The following KIZ variants were observed in gnomAD, a reference collection of about 807,000 sequenced individuals.
The protein encoded by KIZ is centrosomal protein kizuna.
Under a neutral mutation model 79.6 loss-of-function variants are expected in KIZ, and 68 were observed. The observed-to-expected ratio is 0.85, with a 90% CI of 0.70 to 1.05. The LOEUF (loss-of-function observed/expected upper bound fraction) is 1.05, where lower values mean the gene tolerates loss of function less well. Ranked by LOEUF, KIZ falls within the 50% of genes least tolerant of loss-of-function variation. The pLI, the probability that KIZ is intolerant of heterozygous loss-of-function variation, is 0.00. For synonymous variants in KIZ, 280 were observed against 281.8 expected (o/e 0.99, Z 0.06); for missense variants, 797 against 800.4 (o/e 1.00, Z 0.05).
intron 6 of KIZ, among the ~76,000 whole-genome samples, chr20:21,165,081 C>T (rs2033867419): frequency 6.6e-6 from 1 of 152,152 alleles, no homozygotes; most frequent in Non-Finnish European, 1.5e-5. Context: ...CATAGCATAG[C>T]ATCATATTTA....
intron 6 of KIZ, among the ~76,000 whole-genome samples, chr20:21,200,369 A>G (rs989781069): frequency 1.3e-5 from 2 of 152,092 alleles, no homozygotes; most frequent in Non-Finnish European, 2.9e-5. Context: ...TGGTTTCAGG[A>G]TGATTCAAGT....
At chr20:21,245,444 CGTTT>C (rs1342526817) in intron 12 of KIZ, 1 of 152,200 alleles carries the variant, frequency 6.6e-6, no homozygotes, top group Non-Finnish European at 1.5e-5. Context: ...CTTCAGCGTC[CGTTT>C]GTTTGCACAG....
intron 6 of KIZ, among the ~76,000 whole-genome samples, chr20:21,170,255 A>G (rs6047285): frequency 0.58 from 87,855 of 151,940 alleles, 27,056 homozygotes; most frequent in South Asian, 0.78. Context: ...GGTAAATGGG[A>G]TATCCATCTC....
At chr20:21,189,142 T>C (rs887189562) in intron 6 of KIZ, among the ~76,000 whole-genome samples, 7 of 152,164 alleles carry the variant, frequency 4.6e-5, no homozygotes, top group Admixed American at 1.3e-4. Context: ...CCATCCTGCA[T>C]GCTGTTTATG....
chr20:21,188,786 G>A (rs1277176867), intron 6 of KIZ, among the ~76,000 whole-genome samples: 2 of 151,882 alleles, frequency 1.3e-5, no homozygotes, highest in Non-Finnish European at 2.9e-5. Flanking sequence ...TGCAAGCTCT[G>A]CCTCCTGGGT....
At chr20:21,178,404 A>G (rs1600465335) in intron 6 of KIZ, among the ~76,000 whole-genome samples, 1 of 151,710 alleles carries the variant, frequency 6.6e-6, no homozygotes, top group Non-Finnish European at 1.5e-5. Flanking sequence ...TAGAAACACA[A>G]CTGATTTTTG....
At chr20:21,131,997 A>T (rs931826448) in intron 1 of KIZ, 100 bp from the exon 2 acceptor site, 2 of 642,838 alleles carry the variant, frequency 3.1e-6, no homozygotes, top group Non-Finnish European at 5.5e-6. Context: ...CCTCTAATCA[A>T]CACCTTGCAA....
intron 4 of KIZ, among the ~76,000 whole-genome samples, chr20:21,153,706 G>A (rs1600396346): frequency 6.6e-6 from 1 of 152,138 alleles, no homozygotes; most frequent in Non-Finnish European, 1.5e-5. Flanking sequence ...GGTGCCAACA[G>A]GGTCGCTTTC....
At chr20:21,134,158 G>A (rs571834812) in intron 2 of KIZ, among the ~76,000 whole-genome samples, 14 of 152,254 alleles carry the variant, frequency 9.2e-5, no homozygotes, top group Middle Eastern at 3.4e-3. Flanking sequence ...GGCGTGAGGT[G>A]GGCACAAAGG....
chr20:21,184,582 C>T (rs1011882451), intron 6 of KIZ, among the ~76,000 whole-genome samples: 4 of 152,174 alleles, frequency 2.6e-5, no homozygotes, highest in African/African-American at 9.7e-5. Flanking sequence ...CTTCTAGTGA[C>T]AGACTTTTGG....
At chr20:21,169,072 A>C (rs1424988814) in intron 6 of KIZ, among the ~76,000 whole-genome samples, 3 of 152,222 alleles carry the variant, frequency 2.0e-5, no homozygotes, top group South Asian at 2.1e-4. Context: ...CAAAAGCCAA[A>C]ATTGACAAAT....
chr20:21,232,665 A>G, intron 10 of KIZ, 69 bp from the exon 11 acceptor site: 1 of 789,006 alleles, frequency 1.3e-6, no homozygotes, highest in Middle Eastern at 2.2e-4. Flanking sequence ...CTGTGAGGCC[A>G]CTTTATTCAT....
In KIZ at chr20:21,160,480, C is replaced by G. The variant is rs187750047; in HGVS notation, c.406-1391C>G. On this transcript the variant is annotated intron_variant, in intron 4 of 12. Transcript: ENST00000619189. ...ATGTAAGGACACGGGTCCCTTTTCT[C>G]TCTCTCTCTGCCTGCGCTCCCTGAT... 1.8e-4 allele frequency among the ~76,000 whole-genome samples: 28 copies of G among 152,264 alleles called. No homozygotes were observed. The East Asian group carries it at 4.8e-3, about 26-fold the overall frequency.
chr20:21,166,431 G>T, intron 6 of KIZ: 2 of 1,592,130 alleles, frequency 1.3e-6, no homozygotes, highest in Non-Finnish European at 8.6e-7. Flanking sequence ...CCAGCTCTGT[G>T]GTCATCAATG....
At chr20:21,154,073 G>T (rs1229497606) in intron 4 of KIZ, 1 of 152,054 alleles carries the variant, frequency 6.6e-6, no homozygotes, top group African/African-American at 2.4e-5. Flanking sequence ...TTCTCAATGT[G>T]ACTTAAGAAC....
chr20:21,229,116 G>GT lies in KIZ; in HGVS notation c.1783+2dup. 1 of 1,574,914 alleles carries GT rather than the reference G, an allele frequency of 6.3e-7. No homozygotes were observed. The highest frequency in any genetic ancestry group is 8.7e-7 in the Non-Finnish European group (1 of 1,145,974). On this transcript the variant is annotated splice_donor_variant, in intron 10 of 12. Transcript: ENST00000619189. LOFTEE classifies it high-confidence loss of function. ...GATGCTTCTGTGTCACACTTGTCAG[G>GT]TAAGTAAGAGCAGATGGCAGTGTCC...
intron 2 of KIZ, among the ~76,000 whole-genome samples, chr20:21,132,375 C>T (rs1309569032): frequency 2.0e-5 from 3 of 152,232 alleles, no homozygotes; most frequent in African/African-American, 4.8e-5. Context: ...CAGGTTCAAG[C>T]AATTCTCCTG....
intron 6 of KIZ, among the ~76,000 whole-genome samples, chr20:21,187,727 C>T (rs2034943358): frequency 6.6e-6 from 1 of 152,144 alleles, no homozygotes; most frequent in African/African-American, 2.4e-5. Flanking sequence ...AGCCGTTAAT[C>T]CTCACAAAGA....
intron 9 of KIZ, among the ~76,000 whole-genome samples, chr20:21,220,627 G>A (rs1345529704): frequency 6.6e-6 from 1 of 152,060 alleles, no homozygotes; most frequent in African/African-American, 2.4e-5. Flanking sequence ...GGGATTACAG[G>A]CATGTTCCAC....
Sources: allele counts gnomAD v4.1 joint callset (sites outside exome capture counted in the v4.1 genomes callset), GRCh38; gene constraint gnomAD v4.1.1; transcripts MANE v1.5; gene names NCBI Gene and HGNC (gene_info 2026-07-23, HGNC 2026-07-21).